TANGO2: variants seen among roughly 807,000 people sequenced by gnomAD.
TANGO2 encodes the protein transport and golgi organization 2 homolog, also known as transport and Golgi organization protein 2 homolog.
Under a neutral mutation model 39.1 loss-of-function variants are expected in TANGO2, and 26 were observed. That is an observed-to-expected ratio of 0.67 (90% CI 0.49 to 0.92). The LOEUF is 0.92. Among genes scored for constraint, TANGO2 ranks in the 40% least tolerant of loss-of-function variants. TANGO2 has a pLI of 0.00. For synonymous variants in TANGO2, 131 were observed against 144.5 expected (o/e 0.91, Z 0.67); for missense variants, 326 against 360.1 (o/e 0.91, Z 0.77).
chr22:20,018,707 C>T (rs1349386495), upstream of TANGO2, among the ~76,000 whole-genome samples: 2 of 152,168 alleles, frequency 1.3e-5, no homozygotes, highest in Non-Finnish European at 2.9e-5. Context: ...CAGAGGATGT[C>T]GGGGCAGCAC....
chr22:20,052,674 G>A, intron 4 of TANGO2, 90 bp downstream of exon 4: 1 of 1,475,884 alleles, frequency 6.8e-7, no homozygotes, highest in Non-Finnish European at 9.1e-7. Flanking sequence ...CTACAGGACT[G>A]GCCAATGTAT....
intron 3 of TANGO2, among the ~76,000 whole-genome samples, chr22:20,050,456 C>G (rs1027044971): frequency 6.7e-6 from 1 of 150,004 alleles, no homozygotes; most frequent in Non-Finnish European, 1.5e-5. Context: ...CTCCACCTCC[C>G]GGGTTCCAGC....
chr22:20,033,248 C>A, intron 1 of TANGO2: 1 of 526,930 alleles, frequency 1.9e-6, no homozygotes, highest in South Asian at 1.4e-5. Context: ...GAGGCCACAG[C>A]CCTTGGCTCT....
intron 3 of TANGO2, 66 bp downstream of exon 3, chr22:20,043,509 A>T: frequency 8.7e-7 from 1 of 1,145,014 alleles, no homozygotes; most frequent in Admixed American, 1.8e-5. Flanking sequence ...GCGTGGCCCG[A>T]GTGACCCTAA....
Position 20,066,808 on chromosome 22 carries a change from G to T in TANGO2, c.*2146G>T, listed in dbSNP as rs189067375. ...GGATGGTGCCCTGCCCTCATGAAGAGCCCCCCGGATGTTCACCTCTGCCCA... is the reference window on the plus strand; with the variant it reads ...GGATGGTGCCCTGCCCTCATGAAGATCCCCCCGGATGTTCACCTCTGCCCA... On this transcript the variant is annotated 3_prime_UTR_variant, in exon 9 of 9. Coordinates refer to ENST00000327374, the MANE Select transcript of TANGO2 (RefSeq NM_152906.7). Among the ~76,000 whole-genome samples, 10 of 152,164 alleles carry T rather than the reference G, an allele frequency of 6.6e-5. No homozygotes were observed. The highest frequency in any genetic ancestry group is 6.5e-4 in the Admixed American group (10 of 15,286).
intron 7 of TANGO2, 59 bp downstream of exon 7, chr22:20,061,742 A>ACC: frequency 6.7e-7 from 1 of 1,486,036 alleles, no homozygotes. Flanking sequence ...GGCAGAGGGA[A>ACC]AGGCAGGCCC....
chr22:20,021,805 A>AC (rs2039739473), intron 1 of TANGO2, among the ~76,000 whole-genome samples: 2 of 152,212 alleles, frequency 1.3e-5, no homozygotes, highest in South Asian at 4.1e-4. Context: ...GGAAGTGGGC[A>AC]CAGAGGGCTG....
rs1336640233 is a variant in TANGO2, at chr22:20,061,618, G to A, written c.540G>A (p.Arg180=). 1 of 1,578,048 alleles carries A rather than the reference G, an allele frequency of 6.3e-7. No individual in the cohort carries two copies. The highest frequency in any genetic ancestry group is 2.3e-5 in the East Asian group (1 of 43,676). The change falls in exon 7 of 9, where the codon CGG becomes CGA. Residue 180 remains arginine, a synonymous_variant. Coordinates refer to ENST00000327374, the MANE Select transcript of TANGO2 (RefSeq NM_152906.7). ...AGCTCTTCCTGGAGGCTGTGGAACGGAGCCAGGCGCTGCCCAAGGATGTGC... is the reference window on the plus strand; with the variant it reads ...AGCTCTTCCTGGAGGCTGTGGAACGAAGCCAGGCGCTGCCCAAGGATGTGC... ...GKQLFLEAVE[R]SQALPKDVLI...
chr22:20,021,462 C>T (rs549847982), intron 1 of TANGO2, among the ~76,000 whole-genome samples: 1 of 152,314 alleles, frequency 6.6e-6, no homozygotes, highest in East Asian at 1.9e-4. Flanking sequence ...AGGCTGAGAT[C>T]GGCAGGGTTG....
In TANGO2 at chr22:20,043,597, A is replaced by G. The variant is rs992986899; in HGVS notation, c.145+154A>G. Among the ~76,000 whole-genome samples, 21 of 152,268 alleles carry G rather than the reference A, an allele frequency of 1.4e-4. 1 individual carries two copies. The South Asian group carries it at 2.7e-3, about 20-fold the overall frequency. On this transcript the variant is annotated intron_variant, in intron 3 of 8. Coordinates refer to ENST00000327374, the MANE Select transcript of TANGO2 (RefSeq NM_152906.7). The stretch of plus-strand genomic sequence containing the variant: ...GGGGCTCGTGGTCGGGGCCAGCCCC[A>G]GCACCGGGCATTGCCAGAGCTGCCC...
intron 3 of TANGO2, among the ~76,000 whole-genome samples, chr22:20,049,592 G>A (rs980325704): frequency 3.3e-5 from 5 of 151,566 alleles, no homozygotes; most frequent in East Asian, 3.9e-4. Flanking sequence ...CCCGGGAGGC[G>A]GAGGTTGCGG....
chr22:20,044,221 G>A (rs2044624937), intron 3 of TANGO2, among the ~76,000 whole-genome samples: 1 of 152,222 alleles, frequency 6.6e-6, no homozygotes, highest in Non-Finnish European at 1.5e-5. Context: ...TGTGTGCCCT[G>A]TGCTGCCTCC....
chr22:20,029,424 T>C (rs1390009332), intron 1 of TANGO2, among the ~76,000 whole-genome samples: 1 of 152,218 alleles, frequency 6.6e-6, no homozygotes, highest in Non-Finnish European at 1.5e-5. Flanking sequence ...GTCCAGGCTT[T>C]CTTCCTGTTT....
At chr22:20,033,460 C>T (rs1406749731) in intron 1 of TANGO2, among the ~76,000 whole-genome samples, 1 of 152,214 alleles carries the variant, frequency 6.6e-6, no homozygotes, top group Non-Finnish European at 1.5e-5. Context: ...CCAGAACTGC[C>T]CTCATCCATG....
chr22:20,063,609 A>ACCACAGGCTCCCGGGGCC, intron 8 of TANGO2, 167 bp downstream of exon 8: 1 of 644,928 alleles, frequency 1.6e-6, no homozygotes, highest in South Asian at 2.2e-5. Flanking sequence ...GTGAGCAGAT[A>ACCACAGGCTCCCGGGGCC]CCACAGGCTC....
chr22:20,043,006 A>G (rs1569280576), intron 2 of TANGO2, among the ~76,000 whole-genome samples: 1 of 152,126 alleles, frequency 6.6e-6, no homozygotes, highest in East Asian at 1.9e-4. Context: ...AGATGGACAG[A>G]AGGAGGAACA....
At chr22:20,052,388 C>T (rs1394328961) in intron 3 of TANGO2, 77 bp from the exon 4 acceptor site, 16 of 1,535,460 alleles carry the variant, frequency 1.0e-5, no homozygotes, top group Middle Eastern at 1.8e-4. Flanking sequence ...GCCGAGTATG[C>T]GTCTCCCAGG....
intron 1 of TANGO2, among the ~76,000 whole-genome samples, chr22:20,034,012 C>T (rs1302499947): frequency 6.6e-6 from 1 of 152,134 alleles, no homozygotes; most frequent in Non-Finnish European, 1.5e-5. Context: ...TGGAGACCAG[C>T]CTGACCAACA....
chr22:20,035,838 G>A (rs748377882), intron 1 of TANGO2, among the ~76,000 whole-genome samples: 5 of 152,172 alleles, frequency 3.3e-5, no homozygotes, highest in African/African-American at 7.2e-5. Context: ...AAGGAAGAAT[G>A]TATACAGTGG....
Sources: gnomAD v4.1 joint callset for allele counts (sites outside exome capture counted in the v4.1 genomes callset) on GRCh38, gnomAD v4.1.1 for gene constraint, MANE v1.5 for transcripts, NCBI Gene and HGNC (gene_info 2026-07-23, HGNC 2026-07-21) for gene names.